Variants in ASTN1 observed in about 807,000 individuals in gnomAD.
ASTN1 encodes astrotactin-1.
In ASTN1, 41 loss-of-function variants were observed where a neutral mutation model predicts 140.7. The ratio of observed to expected loss-of-function variants is 0.29; its 90% CI spans 0.23 to 0.38. The LOEUF is 0.38. Among genes scored for constraint, ASTN1 ranks in the 10% least tolerant of loss-of-function variants. The pLI, the probability that ASTN1 is intolerant of heterozygous loss-of-function variation, is 1.00. For missense variants in ASTN1, 1,479 were observed against 1,678.8 expected (o/e 0.88, Z 2.08); for synonymous variants, 640 against 652.2 (o/e 0.98, Z 0.29).
chr1:176,911,019 G>T (rs1410562633), intron 16 of ASTN1, among the ~76,000 whole-genome samples: 1 of 152,176 alleles, frequency 6.6e-6, no homozygotes, highest in Non-Finnish European at 1.5e-5. Flanking sequence ...GTGCCAAAAA[G>T]GTGGGGGATC....
chr1:177,018,530 G>T (rs758500995), intron 7 of ASTN1, among the ~76,000 whole-genome samples: 2 of 152,200 alleles, frequency 1.3e-5, no homozygotes, highest in Non-Finnish European at 2.9e-5. Flanking sequence ...TGGGACAGAA[G>T]AGATTTCAGT....
At chr1:177,006,786 C>A (rs1014918189) in intron 8 of ASTN1, among the ~76,000 whole-genome samples, 6 of 152,250 alleles carry the variant, frequency 3.9e-5, no homozygotes, top group Admixed American at 3.9e-4. Context: ...AGAGCCTCCC[C>A]CCTCCTCTGG....
intron 1 of ASTN1, among the ~76,000 whole-genome samples, chr1:177,117,974 T>C (rs1681182011): frequency 6.6e-6 from 1 of 152,242 alleles, no homozygotes; most frequent in African/African-American, 2.4e-5. Context: ...ACTTACAAAA[T>C]GTGTTATGTA....
At chr1:176,962,280 G>A (rs1011480767) in intron 9 of ASTN1, among the ~76,000 whole-genome samples, 5 of 152,164 alleles carry the variant, frequency 3.3e-5, no homozygotes, top group Non-Finnish European at 7.4e-5. Flanking sequence ...CAGTCAGTAG[G>A]TTCAGGGTCC....
chr1:177,114,905 C>T (rs183770202), intron 1 of ASTN1, among the ~76,000 whole-genome samples: 52 of 152,250 alleles, frequency 3.4e-4, no homozygotes, highest in Non-Finnish European at 6.8e-4. Flanking sequence ...GCTCTTCATC[C>T]TCCAGTGCAT....
chr1:176,877,904 T>G (rs935891298), intron 20 of ASTN1, among the ~76,000 whole-genome samples: 6 of 152,070 alleles, frequency 3.9e-5, no homozygotes, highest in Non-Finnish European at 5.9e-5. Context: ...GCTGGTGAAG[T>G]AGAAAAGATA....
rs192553648 is a variant in ASTN1, at chr1:177,095,439, G to C, written c.284-34174C>G. On this transcript the variant is annotated intron_variant, in intron 1 of 22. Transcript: ENST00000361833. ...ATGCCCCTCACAATAGCAGCCCAGAGAGCAAGGGCCTGGAGGGAAGAACAA... is the reference window on the plus strand; with the variant it reads ...ATGCCCCTCACAATAGCAGCCCAGACAGCAAGGGCCTGGAGGGAAGAACAA... 1.1e-4 allele frequency among the ~76,000 whole-genome samples: 17 copies of C among 152,296 alleles called. No individual in the cohort carries two copies. In the East Asian group the frequency reaches 3.3e-3, roughly 29 times the overall value.
At chr1:177,099,462 A>C (rs952902131) in intron 1 of ASTN1, among the ~76,000 whole-genome samples, 1 of 152,150 alleles carries the variant, frequency 6.6e-6, no homozygotes, top group Non-Finnish European at 1.5e-5. Flanking sequence ...GATTTTGGAC[A>C]TAAGAGATAA....
rs138287004 is a variant in ASTN1 at position 176,987,906 on chromosome 1, T to A, written c.1524-22669A>T. ...AAAGAGGATTTGGCAACTAACAGGA[T>A]ATGTGTGAACTCTGGACAGAGGATA... is the stretch of plus-strand genomic sequence containing the variant. On this transcript the variant is annotated intron_variant, in intron 8 of 22. Coordinates refer to ENST00000361833, the MANE Select transcript of ASTN1 (RefSeq NM_004319.3). 3.4e-3 allele frequency among the ~76,000 whole-genome samples: 525 copies of A among 152,240 alleles called. 3 individuals carry two copies. Among genetic ancestry groups the A allele is most frequent in the African/African-American group, 0.012 (499 of 41,540 alleles).
At position 176,937,085 on chromosome 1, in the gene ASTN1, T is replaced by C. The variant is rs145208733; in HGVS notation, c.2378-715A>G. On this transcript the variant is annotated intron_variant, in intron 14 of 22. Transcript: ENST00000361833. ...GCGGCAGTTCTTACTCATTCTGCTA[T>C]AATATCCCCATAGCAAATTTATATT... is the stretch of plus-strand genomic sequence containing the variant. 4.1e-3 allele frequency among the ~76,000 whole-genome samples: 632 copies of C among 152,338 alleles called. 3 individuals carry two copies. The highest frequency in any genetic ancestry group is 0.014 in the African/African-American group (596 of 41,582).
At chr1:177,009,227 G>A (rs1371304241) in intron 8 of ASTN1, among the ~76,000 whole-genome samples, 1 of 152,162 alleles carries the variant, frequency 6.6e-6, no homozygotes, top group African/African-American at 2.4e-5. Context: ...GGAGAAGTCA[G>A]GATTGATTTT....
At chr1:177,007,258 T>C (rs542345644) in intron 8 of ASTN1, among the ~76,000 whole-genome samples, 68 of 152,112 alleles carry the variant, frequency 4.5e-4, no homozygotes, top group Non-Finnish European at 7.1e-4. Flanking sequence ...CCGGGCGTGA[T>C]GGCACATGCC....
intron 8 of ASTN1, among the ~76,000 whole-genome samples, chr1:176,983,028 T>A (rs1006102804): frequency 6.6e-6 from 1 of 152,152 alleles, no homozygotes; most frequent in Non-Finnish European, 1.5e-5. Context: ...AAAGGTCTGA[T>A]GTTTCCAGGT....
intron 1 of ASTN1, among the ~76,000 whole-genome samples, chr1:177,086,635 T>C (rs568494567): frequency 6.6e-6 from 1 of 152,128 alleles, no homozygotes; most frequent in African/African-American, 2.4e-5. Context: ...ACTCACAAAA[T>C]AGAGTCAAAT....
Position 176,863,349 on chromosome 1 carries a change from C to A in ASTN1, c.*935G>T, listed in dbSNP as rs778682546. 21 of 985,858 alleles carry A rather than the reference C, an allele frequency of 2.1e-5. No homozygotes were observed. Among genetic ancestry groups the A allele is most frequent in the Non-Finnish European group, 2.3e-5 (19 of 829,952 alleles). 61.1% of individuals were successfully genotyped at this position (985,858 alleles called of 1,614,324 possible). A position where few individuals can be genotyped will look rare whatever the true frequency, so the allele number is the denominator to read the frequency against. On this transcript the variant is annotated 3_prime_UTR_variant, in exon 23 of 23. Transcript: ENST00000361833. The stretch of plus-strand genomic sequence containing the variant: ...TGGTCCCAATCAGACATCGGCCAAG[C>A]CTTACCTGTCCAAGGTAAGAGGTGT...
chr1:176,927,512 C>T (rs768871734), intron 16 of ASTN1, among the ~76,000 whole-genome samples: 1 of 152,196 alleles, frequency 6.6e-6, no homozygotes, highest in Non-Finnish European at 1.5e-5. Flanking sequence ...TACAATTAAA[C>T]CCCTGAAAGT....
At chr1:177,149,571 GTA>G (rs1164506668) in intron 1 of ASTN1, among the ~76,000 whole-genome samples, 2 of 77,858 alleles carry the variant, frequency 2.6e-5, no homozygotes, top group East Asian at 3.8e-4. Context: ...TATATACACT[GTA>G]TATATATAGT....
intron 1 of ASTN1, among the ~76,000 whole-genome samples, chr1:177,121,068 T>C (rs985597760): frequency 1.4e-5 from 2 of 146,982 alleles, no homozygotes; most frequent in African/African-American, 5.4e-5. Context: ...GTTGTTGCTA[T>C]TGCTGCTGGT....
rs142849793 is a variant in ASTN1, at chr1:177,139,410, C to T, written c.283+24984G>A. Among the ~76,000 whole-genome samples, 28 of 152,146 alleles carry T rather than the reference C, an allele frequency of 1.8e-4. No homozygotes were observed. In the East Asian group the frequency reaches 4.5e-3, roughly 24 times the overall value. Reference sequence around the variant, plus strand: ...GAAAATCTACTATTTCAAGGGGCAACGAAGGAGAAAAGAGCATTTCATAAG... The same window carrying T: ...GAAAATCTACTATTTCAAGGGGCAATGAAGGAGAAAAGAGCATTTCATAAG... On this transcript the variant is annotated intron_variant, in intron 1 of 22. Transcript: ENST00000361833.
Sources: allele counts gnomAD v4.1 joint callset (sites outside exome capture counted in the v4.1 genomes callset), GRCh38; gene constraint gnomAD v4.1.1; transcripts MANE v1.5; gene names NCBI Gene and HGNC (gene_info 2026-07-23, HGNC 2026-07-21).